INO80D: variants seen among roughly 807,000 people sequenced by gnomAD.
INO80D encodes INO80 complex subunit D.
A neutral mutation model predicts 87.6 loss-of-function variants in INO80D; 21 were observed. That is an observed-to-expected ratio of 0.24 (90% CI 0.17 to 0.35). INO80D has a LOEUF of 0.35. Among genes scored for constraint, INO80D ranks in the 10% least tolerant of loss-of-function variants. The pLI is 1.00. For synonymous variants in INO80D, 440 were observed against 491.0 expected (o/e 0.90, Z 1.37); for missense variants, 982 against 1,280.7 (o/e 0.77, Z 3.56).
chr2:206,019,608 G>C, intron 7 of INO80D, 128 bp downstream of exon 7: 1 of 646,644 alleles, frequency 1.5e-6, no homozygotes. Flanking sequence ...AATTATGTTC[G>C]ATAAAATTAT....
chr2:205,995,357 T>C lies in INO80D; in HGVS notation c.*9011A>G, dbSNP rs1238831268. 6.6e-6 allele frequency: 1 copy of C among 152,156 alleles called. No homozygotes were observed. Among genetic ancestry groups the C allele is most frequent in the African/African-American group, 2.4e-5 (1 of 41,440 alleles). The allele number at this position is 152,156 out of a possible 1,614,324, so 9.4% of individuals were successfully genotyped here. A position where few individuals can be genotyped will look rare whatever the true frequency, so the allele number is the denominator to read the frequency against. ...ACAATAAAAGGAAAAGGAAGATAAA[T>C]AAATAGTGTGTGGATGTCTTTAGAT... On this transcript the variant is annotated 3_prime_UTR_variant, in exon 11 of 11. Coordinates refer to ENST00000403263, the MANE Select transcript of INO80D (RefSeq NM_017759.5).
At chr2:206,071,241 A>G (rs1291656282) in intron 1 of INO80D, among the ~76,000 whole-genome samples, 7 of 1,316 alleles carry the variant, frequency 5.3e-3, no homozygotes, top group Admixed American at 0.051. Flanking sequence ...TTACAGGCAT[A>G]AGCACCACGC....
chr2:206,005,602 T>G (rs144472184), intron 10 of INO80D, 69 bp from the exon 11 acceptor site: 4 of 1,188,984 alleles, frequency 3.4e-6, no homozygotes, highest in Non-Finnish European at 2.4e-6. Flanking sequence ...AATCACACAT[T>G]TGAATTATTT....
rs1042785772 is a variant in INO80D, at chr2:206,085,022, G to A, written c.-124+879C>T. Among the ~76,000 whole-genome samples the A allele has an allele frequency of 6.6e-6, 1 of 152,130 alleles. No individual in the cohort carries two copies. Among genetic ancestry groups the A allele is most frequent in the African/African-American group, 2.4e-5 (1 of 41,440 alleles). The stretch of plus-strand genomic sequence containing the variant: ...CTCGCGGGGAGTTGGGTGGGGCGCG[G>A]GCGAGGGGTGCAGGGGCGGAGTACC... On this transcript the variant is annotated intron_variant, in intron 1 of 10. Coordinates refer to ENST00000403263, the MANE Select transcript of INO80D (RefSeq NM_017759.5). The surrounding 1 kb of genome is among the most constrained non-coding windows in gnomAD (Gnocchi z 4.5).
chr2:206,063,238 A>G lies in INO80D; in HGVS notation c.-117T>C, dbSNP rs775582227. 1 of 553,954 alleles carries G rather than the reference A, an allele frequency of 1.8e-6. No homozygotes were observed. The highest frequency in any genetic ancestry group is 2.0e-5 in the African/African-American group (1 of 51,020). 34.3% of individuals were successfully genotyped at this position (553,954 alleles called of 1,614,324 possible). On this transcript the variant is annotated 5_prime_UTR_variant, in exon 2 of 11. Transcript: ENST00000403263. ...GAATGCCGCAGAATCAGGATGAAGC[A>G]GATTGTCTATAAAAATATCAAAAGG...
intron 5 of INO80D, among the ~76,000 whole-genome samples, chr2:206,032,971 G>A (rs755323840): frequency 1.3e-5 from 2 of 152,050 alleles, no homozygotes; most frequent in African/African-American, 2.4e-5. Flanking sequence ...TGAAAGCAAC[G>A]GTACCTCATA....
At chr2:206,055,860 T>A (rs1020710503) in intron 4 of INO80D, among the ~76,000 whole-genome samples, 1 of 152,236 alleles carries the variant, frequency 6.6e-6, no homozygotes, top group Non-Finnish European at 1.5e-5. Context: ...ATTTACATTA[T>A]ATCAGGTATT....
chr2:206,044,390 T>A (rs1184281708), intron 5 of INO80D, among the ~76,000 whole-genome samples: 1 of 133,332 alleles, frequency 7.5e-6, no homozygotes, highest in East Asian at 2.2e-4. Flanking sequence ...AATGAACAAA[T>A]GAATGAAAAA....
At position 206,005,104 on chromosome 2, in the gene INO80D, T is replaced by C. The variant is rs374462979; in HGVS notation, c.2348A>G (p.Gln783Arg). Reference sequence around the variant, plus strand: ...GCTGCCGTCATGAAGTCCATGAAACTGTCCTGGGAAGGCTCTCTCCCCAAG... The same window carrying C: ...GCTGCCGTCATGAAGTCCATGAAACCGTCCTGGGAAGGCTCTCTCCCCAAG... ...SALGERAFPG[Q>R]FHGLHDGSHA... is the part of the protein sequence containing the mutation. The change falls in exon 11 of 11, where the codon CAG becomes CGG. Residue 783 changes from glutamine (Q) to arginine (R), a missense_variant. By Grantham distance (43) the Gln-to-Arg change is conservative (BLOSUM62 1). Coordinates refer to ENST00000403263, the MANE Select transcript of INO80D (RefSeq NM_017759.5). The C allele has an allele frequency of 2.6e-4, 416 of 1,613,804 alleles. No homozygotes were observed. The highest frequency in any genetic ancestry group is 3.1e-4 in the Non-Finnish European group (363 of 1,179,878).
Position 206,004,909 on chromosome 2 carries a change from G to A in INO80D, c.2543C>T (p.Thr848Ile). 6.2e-7 allele frequency: 1 copy of A among 1,614,038 alleles called. No homozygotes were observed. The highest frequency in any genetic ancestry group is 8.5e-7 in the Non-Finnish European group (1 of 1,179,886). The change falls in exon 11 of 11, where the codon ACA becomes ATA. Residue 848 changes from threonine (T) to isoleucine (I), a missense_variant. Coordinates refer to ENST00000403263, the MANE Select transcript of INO80D (RefSeq NM_017759.5). The surrounding 1 kb of genome is among the most constrained non-coding windows in gnomAD (Gnocchi z 4.9). ...CATATTATCACCAGAGTACGATGTT[G>A]TGTGGGGAGAGGTGATATGGTCACT... ...PYSDHITSPH[T>I]TSYSGDNMAA...
chr2:206,026,941 G>A (rs1209878020), intron 6 of INO80D, among the ~76,000 whole-genome samples: 1 of 152,064 alleles, frequency 6.6e-6, no homozygotes, highest in Non-Finnish European at 1.5e-5. Flanking sequence ...GTATACTTTT[G>A]AGGGAAAACT....
intron 1 of INO80D, among the ~76,000 whole-genome samples, chr2:206,081,304 C>T (rs1575900639): frequency 1.3e-5 from 2 of 152,190 alleles, no homozygotes; most frequent in African/African-American, 4.8e-5. Flanking sequence ...AAAAAGCACA[C>T]GAAAGTGTTA....
chr2:206,055,690 G>T (rs754924496), intron 4 of INO80D, among the ~76,000 whole-genome samples: 1 of 152,192 alleles, frequency 6.6e-6, no homozygotes, highest in Non-Finnish European at 1.5e-5. Context: ...ACACCCTCCA[G>T]TGTTGGCCCT....
chr2:206,018,921 C>G (rs1688389354), intron 7 of INO80D, among the ~76,000 whole-genome samples: 1 of 152,064 alleles, frequency 6.6e-6, no homozygotes, highest in South Asian at 2.1e-4. Flanking sequence ...CAAACATGAG[C>G]TTTACATCAT....
At position 206,003,316 on chromosome 2, in the gene INO80D, G is replaced by T. The variant is rs1282666280; in HGVS notation, c.*1052C>A. 5.3e-5 allele frequency: 8 copies of T among 152,196 alleles called. No individual in the cohort carries two copies. The highest frequency in any genetic ancestry group is 1.4e-4 in the African/African-American group (6 of 41,454). 9.4% of individuals were successfully genotyped at this position (152,196 alleles called of 1,614,324 possible). ...TCAAAAGCAAAAGATGGATCAAGGA[G>T]TTGACAGATCCCATCTTTTCAAATC... On this transcript the variant is annotated 3_prime_UTR_variant, in exon 11 of 11. Coordinates refer to ENST00000403263, the MANE Select transcript of INO80D (RefSeq NM_017759.5).
chr2:206,081,251 C>A (rs761983886), intron 1 of INO80D, among the ~76,000 whole-genome samples: 3 of 152,188 alleles, frequency 2.0e-5, no homozygotes, highest in Non-Finnish European at 4.4e-5. Flanking sequence ...CCTACCCTTA[C>A]GTTTTTCCTC....
intron 1 of INO80D, among the ~76,000 whole-genome samples, chr2:206,079,809 T>C (rs907633975): frequency 6.6e-6 from 1 of 152,226 alleles, no homozygotes; most frequent in Admixed American, 6.5e-5. Context: ...CTGGCCAGAC[T>C]GACCTTTCCC....
chr2:206,004,642 A>G lies in INO80D; in HGVS notation c.2810T>C (p.Val937Ala). 6.2e-7 allele frequency: 1 copy of G among 1,613,628 alleles called. No homozygotes were observed. The highest frequency in any genetic ancestry group is 8.5e-7 in the Non-Finnish European group (1 of 1,179,728). The stretch of plus-strand genomic sequence containing the variant: ...AAGCACACTGGAGCTGCTGGGGGTC[A>G]CGGTGGCGAAGGCAGGCTGTGTGGT... ...SETTQPAFAT[V>A]TPSSSSVLPG... Residue 937 changes from valine to alanine, a missense_variant, in exon 11 of 11, where the codon GTG (valine) becomes GCG (alanine). Coordinates refer to ENST00000403263, the MANE Select transcript of INO80D (RefSeq NM_017759.5). The surrounding 1 kb of genome is among the most constrained non-coding windows in gnomAD (Gnocchi z 4.9).
rs375364179 is a variant in INO80D, at chr2:206,056,186, T to C, written c.964+12A>G. ...ATTATGTGTCTATGATACGATAAAA[T>C]AGATAACTCACCTAAATGGGGAAAC... On this transcript the variant is annotated intron_variant, in intron 4 of 10. Transcript: ENST00000403263. 45 of 1,553,912 alleles carry C rather than the reference T, an allele frequency of 2.9e-5. No homozygotes were observed. The highest frequency in any genetic ancestry group is 3.2e-5 in the Non-Finnish European group (37 of 1,150,718).
Sources: gnomAD v4.1 joint callset for allele counts (sites outside exome capture counted in the v4.1 genomes callset) on GRCh38, gnomAD v4.1.1 for gene constraint, Gnocchi (gnomAD v3.1) non-coding constraint, MANE v1.5 for transcripts, NCBI Gene and HGNC (gene_info 2026-07-23, HGNC 2026-07-21) for gene names.